CNTN5: variants seen among roughly 807,000 people sequenced by gnomAD.
The protein encoded by CNTN5 is contactin-5.
A neutral mutation model predicts 129.1 loss-of-function variants in CNTN5; 77 were observed. The ratio of observed to expected loss-of-function variants is 0.60; its 90% CI spans 0.50 to 0.72. CNTN5 has a LOEUF of 0.72. Among genes scored for constraint, CNTN5 ranks in the 30% least tolerant of loss-of-function variants. The probability of loss-of-function intolerance (pLI) is 0.00; values close to 1 mark genes in which losing one functional copy is unlikely to be tolerated. For synonymous variants in CNTN5, 509 were observed against 465.6 expected (o/e 1.09, Z -1.20); for missense variants, 1,478 against 1,328.8 (o/e 1.11, Z -1.75).
At chr11:99,654,026 A>G (rs938633940) in intron 3 of CNTN5, among the ~76,000 whole-genome samples, 1 of 152,068 alleles carries the variant, frequency 6.6e-6, no homozygotes, top group African/African-American at 2.4e-5. Flanking sequence ...AACAAAATCA[A>G]AAAAGCCGTT....
intron 18 of CNTN5, among the ~76,000 whole-genome samples, chr11:100,272,712 C>G: frequency 6.6e-6 from 1 of 152,124 alleles, no homozygotes; most frequent in South Asian, 2.1e-4. Flanking sequence ...GGGACCCCTA[C>G]GCGGGGCTAC....
At chr11:99,062,004 AGT>A (rs1864901785) in intron 1 of CNTN5, among the ~76,000 whole-genome samples, 1 of 137,352 alleles carries the variant, frequency 7.3e-6, no homozygotes, top group African/African-American at 2.6e-5. Context: ...AAAAAAAAAA[AGT>A]CTCTGTGAAT....
At chr11:99,781,319 T>G (rs190147534) in intron 3 of CNTN5, among the ~76,000 whole-genome samples, 13 of 152,080 alleles carry the variant, frequency 8.5e-5, no homozygotes, top group Non-Finnish European at 1.8e-4. Flanking sequence ...ATGGCACTTA[T>G]ATTTTGTGAA....
chr11:99,449,384 A>T (rs1470928123), intron 2 of CNTN5, among the ~76,000 whole-genome samples: 1 of 152,188 alleles, frequency 6.6e-6, no homozygotes, highest in African/African-American at 2.4e-5. Context: ...AAAAATGAAA[A>T]TGTTAAAGAA....
At chr11:99,730,932 A>G (rs982369211) in intron 3 of CNTN5, among the ~76,000 whole-genome samples, 27 of 152,006 alleles carry the variant, frequency 1.8e-4, no homozygotes, top group African/African-American at 6.0e-4. Context: ...AACCAACCAC[A>G]CTTCATCCTC....
At chr11:100,162,789 A>T (rs542204004) in intron 13 of CNTN5, among the ~76,000 whole-genome samples, 1 of 151,924 alleles carries the variant, frequency 6.6e-6, no homozygotes, top group South Asian at 2.1e-4. Context: ...TAGTAATGAG[A>T]TCTTTGAATA....
At chr11:99,615,924 C>A (rs1233991225) in intron 3 of CNTN5, among the ~76,000 whole-genome samples, 1 of 151,880 alleles carries the variant, frequency 6.6e-6, no homozygotes, top group Admixed American at 6.6e-5. Context: ...TTTGCCGAGA[C>A]AGGGTTTTGC....
chr11:99,848,838 GT>G (rs1384888632), intron 6 of CNTN5, among the ~76,000 whole-genome samples: 1 of 152,082 alleles, frequency 6.6e-6, no homozygotes, highest in Non-Finnish European at 1.5e-5. Flanking sequence ...CCAATTCAAA[GT>G]CTATTTTTGA....
intron 13 of CNTN5, among the ~76,000 whole-genome samples, chr11:100,172,891 C>A (rs1003350574): frequency 6.6e-6 from 1 of 152,178 alleles, no homozygotes; most frequent in East Asian, 1.9e-4. Flanking sequence ...GTGACATCAA[C>A]CTATGTCACA....
At chr11:99,903,321 C>T (rs1354678137) in intron 6 of CNTN5, among the ~76,000 whole-genome samples, 1 of 151,624 alleles carries the variant, frequency 6.6e-6, no homozygotes, top group Non-Finnish European at 1.5e-5. Flanking sequence ...AAAACCGTAA[C>T]CATAGTATAA....
intron 4 of CNTN5, among the ~76,000 whole-genome samples, chr11:99,841,647 G>A (rs1242135919): frequency 6.6e-6 from 1 of 151,392 alleles, no homozygotes; most frequent in African/African-American, 2.4e-5. Flanking sequence ...AGGAGGAGGA[G>A]AATGAAGGAG....
At chr11:100,034,154 A>ACCTCATGT (rs1941863344) in intron 9 of CNTN5, among the ~76,000 whole-genome samples, 1 of 152,160 alleles carries the variant, frequency 6.6e-6, no homozygotes. Context: ...CTCACTCTCA[A>ACCTCATGT]GTTTTTAACT....
intron 8 of CNTN5, among the ~76,000 whole-genome samples, chr11:99,998,009 A>T (rs993490683): frequency 6.6e-6 from 1 of 152,158 alleles, no homozygotes; most frequent in African/African-American, 2.4e-5. Flanking sequence ...GTATCTCAAA[A>T]TGATAAGAGC....
intron 18 of CNTN5, among the ~76,000 whole-genome samples, chr11:100,275,387 C>T (rs1420996989): frequency 6.6e-6 from 1 of 152,198 alleles, no homozygotes; most frequent in African/African-American, 2.4e-5. Flanking sequence ...AATAGTAGTA[C>T]TTATGCTCAC....
chr11:99,358,705 G>A (rs945414999), intron 2 of CNTN5, among the ~76,000 whole-genome samples: 1 of 152,062 alleles, frequency 6.6e-6, no homozygotes, highest in Non-Finnish European at 1.5e-5. Context: ...AAAAAATTCA[G>A]GTGACAGGAC....
intron 1 of CNTN5, among the ~76,000 whole-genome samples, chr11:99,269,069 T>A (rs973318588): frequency 6.6e-6 from 1 of 151,974 alleles, no homozygotes; most frequent in African/African-American, 2.4e-5. Flanking sequence ...CTCTGTTTTA[T>A]GTTTGTGTTA....
chr11:99,040,992 C>G (rs898958043), intron 1 of CNTN5, among the ~76,000 whole-genome samples: 1 of 152,064 alleles, frequency 6.6e-6, no homozygotes, highest in Non-Finnish European at 1.5e-5. Flanking sequence ...AGGAACTAAA[C>G]CAAATGTATT....
At chr11:99,212,849 G>A (rs982393707) in intron 1 of CNTN5, among the ~76,000 whole-genome samples, 3 of 151,970 alleles carry the variant, frequency 2.0e-5, no homozygotes, top group Non-Finnish European at 4.4e-5. Context: ...TATAAATGAA[G>A]CCCCAAGTGT....
intron 1 of CNTN5, among the ~76,000 whole-genome samples, chr11:99,126,252 C>A (rs77967826): frequency 6.6e-6 from 1 of 152,078 alleles, no homozygotes; most frequent in Non-Finnish European, 1.5e-5. Flanking sequence ...ACTGTTCAGG[C>A]GTATGTCATG....
Sources: gnomAD v4.1 joint callset for allele counts (sites outside exome capture counted in the v4.1 genomes callset) on GRCh38, gnomAD v4.1.1 for gene constraint, MANE v1.5 for transcripts, NCBI Gene and HGNC (gene_info 2026-07-23, HGNC 2026-07-21) for gene names.